The following MEP1A variants were observed in gnomAD, a reference collection of about 807,000 sequenced individuals.
MEP1A encodes the protein meprin A subunit alpha.
A neutral mutation model predicts 84.5 loss-of-function variants in MEP1A; 68 were observed. The observed-to-expected ratio is 0.80, with a 90% CI of 0.66 to 0.98. The LOEUF (loss-of-function observed/expected upper bound fraction) is 0.98. MEP1A is among the 50% of genes least tolerant of loss of function. The pLI, the probability that MEP1A is intolerant of heterozygous loss-of-function variation, is 0.00. For missense variants in MEP1A, 887 were observed against 919.9 expected, an observed-to-expected ratio of 0.96 and a Z score of 0.46; for synonymous variants, 337 against 336.8, an observed-to-expected ratio of 1.00 and a Z score of -0.01.
rs1373106608 is a variant in MEP1A at position 46,793,556 on chromosome 6, A to T, written c.74A>T (p.Lys25Met). ...LFAHIAAVPIKYLPEENVHDA... is the reference protein window; with the variant it reads ...LFAHIAAVPIMYLPEENVHDA... ...CTGTATATTTATTTTTTTCAGATTA[A>T]GTATCTTCCTGAAGAAAATGGTAAG... is the stretch of plus-strand genomic sequence containing the variant. Residue 25 changes from lysine (K) to methionine (M), a missense_variant, in exon 2 of 14, where the codon AAG (lysine) becomes ATG (methionine). Physicochemically the swap from Lys to Met is moderately conservative, Grantham distance 95. Transcript: ENST00000230588. The T allele has an allele frequency of 3.9e-6, 6 of 1,552,690 alleles. No individual in the cohort carries two copies. Among genetic ancestry groups the T allele is most frequent in the Non-Finnish European group, 5.3e-6 (6 of 1,137,614 alleles).
rs542217133 is a variant in MEP1A at position 46,835,245 on chromosome 6, G to T, written c.1784-4G>T. ...TCTTCCTCATGACTCTCTATTTCCT[G>T]AAGATATCACCCACCTCAGCCAGAC... On this transcript the variant is annotated splice_polypyrimidine_tract_variant and splice_region_variant and intron_variant, in intron 12 of 13. Coordinates refer to ENST00000230588, the MANE Select transcript of MEP1A (RefSeq NM_005588.3). 71 of 1,582,102 alleles carry T rather than the reference G, an allele frequency of 4.5e-5. No individual in the cohort carries two copies. Among genetic ancestry groups the T allele is most frequent in the East Asian group, 1.3e-4 (6 of 44,482 alleles).
intron 7 of MEP1A, among the ~76,000 whole-genome samples, chr6:46,824,518 AAT>A (rs1435262621): frequency 4.2e-5 from 6 of 143,314 alleles, no homozygotes; most frequent in Non-Finnish European, 7.5e-5. Flanking sequence ...AATCTATTTA[AAT>A]ATATATAAAT....
intron 5 of MEP1A, among the ~76,000 whole-genome samples, chr6:46,807,620 GGAAAGAAGGAAGGAAA>G: frequency 1.4e-5 from 1 of 70,164 alleles, no homozygotes; most frequent in Admixed American, 1.8e-4. Flanking sequence ...AAGGAAGGAA[GGAAAGAAGGAAGGAAA>G]GGGAGAAAGG....
At chr6:46,842,760 CTTGCTGGTT>C (rs1186116428), downstream of MEP1A, among the ~76,000 whole-genome samples, 1 of 152,124 alleles carries the variant, frequency 6.6e-6, no homozygotes, top group Non-Finnish European at 1.5e-5. Flanking sequence ...CTAATAAAAA[CTTGCTGGTT>C]TTGCAGCTTA....
intron 9 of MEP1A, 93 bp from the exon 10 acceptor site, chr6:46,829,263 A>C: frequency 2.0e-6 from 2 of 993,230 alleles, no homozygotes; most frequent in Non-Finnish European, 3.2e-6. Context: ...TGCCTGGACA[A>C]TGGCTGTGGT....
chr6:46,835,329 G>A lies in MEP1A; in HGVS notation c.1864G>A (p.Glu622Lys), dbSNP rs1426068606. Residue 622 changes from glutamate (E) to lysine (K), a missense_variant, in exon 13 of 14, where the codon GAG (glutamate) becomes AAG (lysine). Coordinates refer to ENST00000230588, the MANE Select transcript of MEP1A (RefSeq NM_005588.3). ...CCAAGGCCTCATTCTCCAAGGCCAG[G>A]AGCAGCAGGTCTCCGAAGAAGGTTC... ...SPQGLILQGQ[E>K]QQVSEEGSGK... is the part of the protein sequence containing the mutation. 12 of 1,609,128 alleles carry A rather than the reference G, an allele frequency of 7.5e-6. No individual in the cohort carries two copies. Among genetic ancestry groups the A allele is most frequent in the Non-Finnish European group, 1.0e-5 (12 of 1,177,848 alleles).
intron 5 of MEP1A, among the ~76,000 whole-genome samples, chr6:46,801,734 G>A (rs923565521): frequency 5.3e-5 from 8 of 152,118 alleles, no homozygotes; most frequent in African/African-American, 1.9e-4. Context: ...GAAGTTGTAT[G>A]GTTTCAATTT....
At chr6:46,820,789 G>T (rs76614536) in intron 7 of MEP1A, among the ~76,000 whole-genome samples, 4 of 151,410 alleles carry the variant, frequency 2.6e-5, no homozygotes, top group Non-Finnish European at 1.5e-5. Flanking sequence ...AAAAAAAAAA[G>T]TCAATGCTGT....
At chr6:46,799,592 A>C (rs1490469241) in intron 5 of MEP1A, among the ~76,000 whole-genome samples, 1 of 152,136 alleles carries the variant, frequency 6.6e-6, no homozygotes, top group Non-Finnish European at 1.5e-5. Flanking sequence ...ACACTTTGAG[A>C]AATAGGAAAG....
chr6:46,817,366 A>AG (rs1291928362), intron 6 of MEP1A, among the ~76,000 whole-genome samples: 2 of 152,180 alleles, frequency 1.3e-5, no homozygotes, highest in African/African-American at 4.8e-5. Context: ...AGGTTTTTGC[A>AG]GGTCATATAA....
At chr6:46,797,836 T>G (rs12181880) in intron 3 of MEP1A, among the ~76,000 whole-genome samples, 1 of 138,650 alleles carries the variant, frequency 7.2e-6, no homozygotes, top group Non-Finnish European at 1.6e-5. Context: ...CTTTCTTTCT[T>G]TCTCTCTCTC....
At chr6:46,833,600 T>A in intron 11 of MEP1A, 62 bp downstream of exon 11, 1 of 1,215,018 alleles carries the variant, frequency 8.2e-7, no homozygotes, top group South Asian at 1.3e-5. Context: ...CAGATGTGAT[T>A]CTGTGGTGCA....
chr6:46,793,541 A>T lies in MEP1A; in HGVS notation c.70-11A>T, dbSNP rs1036812671. The T allele has an allele frequency of 1.3e-6, 2 of 1,559,934 alleles. No individual in the cohort carries two copies. The highest frequency in any genetic ancestry group is 1.8e-6 in the Non-Finnish European group (2 of 1,142,470). On this transcript the variant is annotated splice_polypyrimidine_tract_variant and intron_variant, in intron 1 of 13. Transcript: ENST00000230588. The stretch of plus-strand genomic sequence containing the variant: ...TACATTATCCATTTTCTGTATATTT[A>T]TTTTTTTCAGATTAAGTATCTTCCT...
Position 46,833,440 on chromosome 6 carries a change from G to T in MEP1A, c.1511G>T (p.Arg504Ile). The T allele has an allele frequency of 6.2e-7, 1 of 1,614,182 alleles. No homozygotes were observed. Among genetic ancestry groups the T allele is most frequent in the Non-Finnish European group, 8.5e-7 (1 of 1,180,034 alleles). The change falls in exon 11 of 14, where the codon AGA (arginine) becomes ATA (isoleucine). Residue 504 changes from arginine (R) to isoleucine (I), a missense_variant. Arg to Ile is a moderately conservative substitution (Grantham distance 97). Transcript: ENST00000230588. Reference protein sequence around the residue: ...DAILEWPVENRQVIITILDQE... With the variant: ...DAILEWPVENIQVIITILDQE... ...ATCCTGGAGTGGCCGGTAGAAAACA[G>T]ACAGGTGATAATTACCATCCTTGAC...
intron 6 of MEP1A, 135 bp downstream of exon 6, chr6:46,809,672 T>C (rs1262706784): frequency 3.3e-6 from 2 of 611,436 alleles, no homozygotes; most frequent in African/African-American, 1.9e-5. Flanking sequence ...CACATATGAG[T>C]GAGAACATAC....
intron 5 of MEP1A, among the ~76,000 whole-genome samples, chr6:46,808,434 G>A (rs1339299922): frequency 6.6e-6 from 1 of 151,944 alleles, no homozygotes; most frequent in African/African-American, 2.4e-5. Flanking sequence ...GTAATTTCCT[G>A]GCCAATAGAT....
At chr6:46,815,878 T>C (rs1767622879) in intron 6 of MEP1A, among the ~76,000 whole-genome samples, 1 of 152,220 alleles carries the variant, frequency 6.6e-6, no homozygotes, top group South Asian at 2.1e-4. Flanking sequence ...ACTACTTAGA[T>C]ACAAATTAAA....
At chr6:46,804,078 C>T (rs944204957) in intron 5 of MEP1A, among the ~76,000 whole-genome samples, 4 of 151,520 alleles carry the variant, frequency 2.6e-5, no homozygotes, top group Non-Finnish European at 5.9e-5. Flanking sequence ...CAAGAGTCTT[C>T]GTATTTACTT....
chr6:46,831,568 T>C (rs1360774493), intron 10 of MEP1A, among the ~76,000 whole-genome samples: 2 of 152,224 alleles, frequency 1.3e-5, no homozygotes, highest in Non-Finnish European at 2.9e-5. Context: ...AATAATTTCA[T>C]AGATGAATTT....
Sources: allele counts gnomAD v4.1 joint callset (sites outside exome capture counted in the v4.1 genomes callset), GRCh38; gene constraint gnomAD v4.1.1; transcripts MANE v1.5; gene names NCBI Gene and HGNC (gene_info 2026-07-23, HGNC 2026-07-21).